MIGA1: variants seen among roughly 807,000 people sequenced by gnomAD.
The protein encoded by MIGA1 is family with sequence similarity 73, member A.
A neutral mutation model predicts 82.0 loss-of-function variants in MIGA1; 58 were observed. That is an observed-to-expected ratio of 0.71 (90% CI 0.57 to 0.88). MIGA1 has a LOEUF of 0.88. Ranked by LOEUF, MIGA1 falls within the 40% of genes least tolerant of loss-of-function variation. The pLI is 0.00. For synonymous variants in MIGA1, 249 were observed against 253.6 expected (o/e 0.98, Z 0.17); for missense variants, 751 against 749.1 (o/e 1.00, Z -0.03).
At chr1:77,843,429 TGAG>T in intron 8 of MIGA1, 22 bp downstream of exon 8, 1 of 1,561,144 alleles carries the variant, frequency 6.4e-7, no homozygotes, top group Non-Finnish European at 8.8e-7. Context: ...GTGTTCCTAA[TGAG>T]GATTTCTGTT....
chr1:77,859,922 T>G, intron 10 of MIGA1, 118 bp from the exon 11 acceptor site: 1 of 641,226 alleles, frequency 1.6e-6, no homozygotes, highest in Non-Finnish European at 2.7e-6. Context: ...AGCTGCCTGT[T>G]GAAATAGCAC....
chr1:77,779,893 A>T (rs571470628), intron 1 of MIGA1, 157 bp downstream of exon 1: 4 of 1,424,226 alleles, frequency 2.8e-6, no homozygotes, highest in Non-Finnish European at 3.7e-6. Flanking sequence ...GCGGAAAGCC[A>T]GAGGGTCTAC....
At chr1:77,813,976 G>GA in intron 6 of MIGA1, 109 bp downstream of exon 6, 1 of 1,125,074 alleles carries the variant, frequency 8.9e-7, no homozygotes, top group Non-Finnish European at 1.3e-6. Context: ...GCTGAGTCTT[G>GA]AACTCCTGGG....
At chr1:77,870,331 G>T (rs1685910418) in intron 14 of MIGA1, among the ~76,000 whole-genome samples, 1 of 117,456 alleles carries the variant, frequency 8.5e-6, no homozygotes, top group Non-Finnish European at 1.9e-5. Flanking sequence ...CTCAGACGGG[G>T]CGGTTGCCAG....
chr1:77,822,822 A>G (rs1391311459), intron 7 of MIGA1, among the ~76,000 whole-genome samples: 1 of 150,264 alleles, frequency 6.7e-6, no homozygotes, highest in African/African-American at 2.4e-5. Flanking sequence ...GACTGTTTAA[A>G]TCCTTTCAGC....
Position 77,875,975 on chromosome 1 carries a change from A to G in MIGA1, c.*911A>G, listed in dbSNP as rs1401259577. The G allele has an allele frequency of 6.6e-6, 1 of 152,276 alleles. No individual in the cohort carries two copies. The highest frequency in any genetic ancestry group is 1.5e-5 in the Non-Finnish European group (1 of 68,168). 9.4% of individuals were successfully genotyped at this position (152,276 alleles called of 1,614,324 possible). A position where few individuals can be genotyped will look rare whatever the true frequency, so the allele number is the denominator to read the frequency against. On this transcript the variant is annotated 3_prime_UTR_variant, in exon 16 of 16. Coordinates refer to ENST00000370791, the MANE Select transcript of MIGA1 (RefSeq NM_198549.4). The stretch of plus-strand genomic sequence containing the variant: ...TGGTGAAACCCCGTCTCTACTAAAA[A>G]TACAAAAATTAGCCAGGTGTGGTGG...
At chr1:77,871,308 C>T (rs549694954) in intron 14 of MIGA1, among the ~76,000 whole-genome samples, 3 of 152,118 alleles carry the variant, frequency 2.0e-5, no homozygotes, top group Admixed American at 2.0e-4. Context: ...TCGAGACCAG[C>T]CTGGCCAACA....
Position 77,807,179 on chromosome 1 carries a change from A to G in MIGA1, c.637+78A>G, listed in dbSNP as rs1353654184. ...TTGTTCTTGTTTTTTATTTATTGAG[A>G]CAGACAGGGTCTCACTCTGTCACCC... is the stretch of plus-strand genomic sequence containing the variant. On this transcript the variant is annotated intron_variant, in intron 5 of 15. Transcript: ENST00000370791. 6 of 1,175,518 alleles carry G rather than the reference A, an allele frequency of 5.1e-6. No homozygotes were observed. In the East Asian group the frequency reaches 1.5e-4, roughly 29 times the overall value. 72.8% of individuals were successfully genotyped at this position (1,175,518 alleles called of 1,614,324 possible). A position where few individuals can be genotyped will look rare whatever the true frequency, so the allele number is the denominator to read the frequency against.
intron 2 of MIGA1, among the ~76,000 whole-genome samples, chr1:77,793,382 C>T (rs1385856402): frequency 6.6e-6 from 1 of 152,074 alleles, no homozygotes; most frequent in African/African-American, 2.4e-5. Flanking sequence ...GGATTATAGG[C>T]ATGAGCCATG....
intron 14 of MIGA1, 112 bp from the exon 15 acceptor site, chr1:77,872,892 T>C (rs777923273): frequency 6.3e-6 from 9 of 1,420,040 alleles, no homozygotes; most frequent in South Asian, 1.2e-5. Context: ...AAAAAACAAA[T>C]TTTCTTAAAC....
intron 8 of MIGA1, among the ~76,000 whole-genome samples, chr1:77,846,819 C>T (rs1251952927): frequency 2.0e-5 from 3 of 151,852 alleles, no homozygotes; most frequent in African/African-American, 4.8e-5. Context: ...TGGTGGCGGG[C>T]GCCTGTAGTC....
At chr1:77,844,135 T>TATATATATATATATAG (rs1376030825) in intron 8 of MIGA1, among the ~76,000 whole-genome samples, 3 of 112,534 alleles carry the variant, frequency 2.7e-5, no homozygotes, top group African/African-American at 1.2e-4. Context: ...TATATATATA[T>TATATATATATATATAG]ATAGATAGAT....
At chr1:77,845,048 G>C (rs1684785152) in intron 8 of MIGA1, among the ~76,000 whole-genome samples, 1 of 152,208 alleles carries the variant, frequency 6.6e-6, no homozygotes, top group South Asian at 2.1e-4. Context: ...CTCTAGTTTG[G>C]AAGCTTTAGA....
chr1:77,838,196 T>C (rs1481576603), intron 7 of MIGA1, among the ~76,000 whole-genome samples: 1 of 152,156 alleles, frequency 6.6e-6, no homozygotes, highest in African/African-American at 2.4e-5. Flanking sequence ...TATCACACAT[T>C]CTTATGTAAC....
chr1:77,853,618 GC>G (rs1291037736), intron 8 of MIGA1: 2 of 167,104 alleles, frequency 1.2e-5, no homozygotes, highest in East Asian at 1.8e-4. Flanking sequence ...AGTTGAGGCT[GC>G]AGTGGGCCAT....
intron 13 of MIGA1, among the ~76,000 whole-genome samples, chr1:77,864,972 G>T (rs1487340081): frequency 1.3e-5 from 2 of 152,022 alleles, no homozygotes; most frequent in Non-Finnish European, 2.9e-5. Flanking sequence ...AATTATTTTG[G>T]AACTTACTGA....
chr1:77,854,566 G>A (rs1685173616), intron 8 of MIGA1, among the ~76,000 whole-genome samples: 1 of 152,102 alleles, frequency 6.6e-6, no homozygotes, highest in Non-Finnish European at 1.5e-5. Flanking sequence ...AACATCTACT[G>A]TGTTTTGATT....
At chr1:77,842,250 T>C (rs1684656276) in intron 7 of MIGA1, among the ~76,000 whole-genome samples, 1 of 152,234 alleles carries the variant, frequency 6.6e-6, no homozygotes, top group Admixed American at 6.5e-5. Flanking sequence ...AAGGAAAGTA[T>C]TTGTTTGAAA....
At chr1:77,830,100 T>C (rs1390594092) in intron 7 of MIGA1, among the ~76,000 whole-genome samples, 1 of 152,196 alleles carries the variant, frequency 6.6e-6, no homozygotes, top group Non-Finnish European at 1.5e-5. Flanking sequence ...CCTTTGCTTT[T>C]CCATGTGAAG....
Sources: gnomAD v4.1 joint callset for allele counts (sites outside exome capture counted in the v4.1 genomes callset) on GRCh38, gnomAD v4.1.1 for gene constraint, MANE v1.5 for transcripts, NCBI Gene and HGNC (gene_info 2026-07-23, HGNC 2026-07-21) for gene names.